The following YBX3 variants were observed in gnomAD, a reference collection of about 807,000 sequenced individuals.
The protein encoded by YBX3 is Y-box-binding protein 3.
Under a neutral mutation model 42.4 loss-of-function variants are expected in YBX3, and 29 were observed. That is an observed-to-expected ratio of 0.68 (90% confidence interval 0.51 to 0.93). The LOEUF (loss-of-function observed/expected upper bound fraction) is 0.93. YBX3 is among the 40% of genes least tolerant of loss of function. The probability of loss-of-function intolerance (pLI) is 0.00; values close to 1 mark genes in which losing one functional copy is unlikely to be tolerated. For missense variants in YBX3, 517 were observed against 527.5 expected, an observed-to-expected ratio of 0.98 and a Z score of 0.19; for synonymous variants, 195 against 189.8, an observed-to-expected ratio of 1.03 and a Z score of -0.22.
chr12:10,715,441 G>C (rs1479939109), intron 4 of YBX3, among the ~76,000 whole-genome samples: 1 of 152,002 alleles, frequency 6.6e-6, no homozygotes, highest in Admixed American at 6.5e-5. Flanking sequence ...AGCTATTAGG[G>C]AGACTGAGGC....
At chr12:10,705,197 G>A (rs774382091) in intron 6 of YBX3, among the ~76,000 whole-genome samples, 32 of 152,250 alleles carry the variant, frequency 2.1e-4, no homozygotes, top group Middle Eastern at 3.4e-3. Flanking sequence ...TGGTTCAAGC[G>A]ATTCTCCTGC....
At chr12:10,704,281 T>C in intron 6 of YBX3, 133 bp from the exon 7 acceptor site, 1 of 629,000 alleles carries the variant, frequency 1.6e-6, no homozygotes, top group South Asian at 2.2e-5. Context: ...CACTCTCAGT[T>C]GCAACACAAA....
In YBX3 at chr12:10,710,015, G is replaced by A. The variant is rs182510736; in HGVS notation, c.673C>T (p.Arg225Cys). The change falls in exon 6 of 10, where the codon CGC becomes TGC. Residue 225 changes from arginine (R) to cysteine (C), a missense_variant. By Grantham distance (180) the Arg-to-Cys change is radical. Transcript: ENST00000228251. ...QFSGARNQLR[R>C]PQYRPQYRQR... ...CGGTACTGAGGGCGATACTGGGGGC[G>A]GCGCAGCTGATTCCGGGCCCCAGAG... The A allele has an allele frequency of 8.7e-6, 14 of 1,614,106 alleles. No individual in the cohort carries two copies. The highest frequency in any genetic ancestry group is 7.7e-5 in the South Asian group (7 of 91,072).
chr12:10,710,414 AGAGTATCTGCAAGGTTTATAATTTTT>A (rs1220543623), intron 5 of YBX3: 1 of 1,301,062 alleles, frequency 7.7e-7, no homozygotes, highest in Non-Finnish European at 9.8e-7. Context: ...AACCACCCGA[AGAGTATCTGCAAGGTTTATAATTTTT>A]GCTCCATCAA....
chr12:10,702,648 A>G (rs1311089147), intron 7 of YBX3: 1 of 152,488 alleles, frequency 6.6e-6, no homozygotes, highest in Non-Finnish European at 1.5e-5. Flanking sequence ...CTTTCATTTG[A>G]ATACATATTT....
intron 4 of YBX3, among the ~76,000 whole-genome samples, chr12:10,713,702 G>A (rs114489940): frequency 1.6e-3 from 244 of 152,308 alleles, no homozygotes; most frequent in African/African-American, 5.4e-3. Context: ...TATTTTCCTA[G>A]AATGTGTTGA....
At chr12:10,716,421 T>C (rs566406073) in intron 3 of YBX3, among the ~76,000 whole-genome samples, 1 of 152,272 alleles carries the variant, frequency 6.6e-6, no homozygotes, top group African/African-American at 2.4e-5. Context: ...TATTCAACTT[T>C]TCTCCCATCA....
intron 1 of YBX3, chr12:10,722,530 T>C (rs1230244641): frequency 4.8e-6 from 1 of 210,086 alleles, no homozygotes; most frequent in Non-Finnish European, 9.4e-6. Flanking sequence ...ACGCAGGCAT[T>C]TTCCACCACG....
At chr12:10,708,844 T>C (rs111871936) in intron 6 of YBX3, among the ~76,000 whole-genome samples, 147 of 152,366 alleles carry the variant, frequency 9.6e-4, no homozygotes, top group African/African-American at 3.5e-3. Flanking sequence ...GTGATATATG[T>C]TGTATAAGCC....
chr12:10,706,881 G>C (rs1300926949), intron 6 of YBX3, among the ~76,000 whole-genome samples: 1 of 152,114 alleles, frequency 6.6e-6, no homozygotes, highest in African/African-American at 2.4e-5. Flanking sequence ...GCCAGGCGTG[G>C]TGGCGGGTGC....
chr12:10,716,021 G>T, intron 3 of YBX3: 1 of 480,330 alleles, frequency 2.1e-6, no homozygotes, highest in East Asian at 4.0e-5. Flanking sequence ...AACAGAACAT[G>T]TTTTTTCTAT....
chr12:10,707,116 T>C (rs1948147501), intron 6 of YBX3, among the ~76,000 whole-genome samples: 1 of 152,222 alleles, frequency 6.6e-6, no homozygotes, highest in African/African-American at 2.4e-5. Flanking sequence ...TCCTGGGACC[T>C]GATGGACTTG....
intron 6 of YBX3, 106 bp downstream of exon 6, chr12:10,709,802 T>G (rs990546340): frequency 2.4e-5 from 32 of 1,359,542 alleles, no homozygotes; most frequent in Non-Finnish European, 3.1e-5. Context: ...CAGGAAGCCA[T>G]AAGCAAGGTT....
At chr12:10,700,492 G>T (rs2120892773) in intron 9 of YBX3, among the ~76,000 whole-genome samples, 1 of 152,188 alleles carries the variant, frequency 6.6e-6, no homozygotes, top group East Asian at 1.9e-4. Context: ...ATTTATAATT[G>T]AGTTGATCTT....
At chr12:10,703,802 TTAAG>T in intron 7 of YBX3, 2 of 430,614 alleles carry the variant, frequency 4.6e-6, no homozygotes, top group Non-Finnish European at 4.2e-6. Context: ...TTGATAAAAA[TTAAG>T]TATTAATTTA....
chr12:10,707,558 G>A (rs909031960), intron 6 of YBX3, among the ~76,000 whole-genome samples: 1 of 152,104 alleles, frequency 6.6e-6, no homozygotes, highest in Non-Finnish European at 1.5e-5. Flanking sequence ...TTTCTCTACT[G>A]AAAAGATTAT....
chr12:10,719,608 A>G (rs1408746844), intron 1 of YBX3, among the ~76,000 whole-genome samples: 1 of 152,214 alleles, frequency 6.6e-6, no homozygotes, highest in Non-Finnish European at 1.5e-5. Flanking sequence ...TTAACAGGCA[A>G]TCTACAAAGA....
intron 1 of YBX3, 125 bp from the exon 2 acceptor site, chr12:10,719,268 T>C (rs562174676): frequency 5.3e-6 from 4 of 761,102 alleles, no homozygotes; most frequent in Non-Finnish European, 8.3e-6. Context: ...AAAGCTTAAT[T>C]CCAAAATACT....
At position 10,702,013 on chromosome 12, in the gene YBX3, T is replaced by C. The variant is rs1424469755; in HGVS notation, c.1000A>G (p.Asn334Asp). Residue 334 changes from asparagine (N) to aspartate (D), a missense_variant, in exon 8 of 10, where the codon AAT (asparagine) becomes GAT (aspartate). Physicochemically the swap from Asn to Asp is conservative, Grantham distance 23. This residue lies in a region of YBX3 where 420 missense variants were observed against 408.5 expected (regional missense o/e 1.03). Transcript: ENST00000228251. ...GGAGGACGCGGGCGACGCCGGTAAT[T>C]GTAGGGACGCCGGTATCCACGGCGA... ...SVRRGYRRPY[N>D]YRRRPRPPNA... is the part of the protein sequence containing the mutation. 6.8e-6 allele frequency: 11 copies of C among 1,614,054 alleles called. No homozygotes were observed. The highest frequency in any genetic ancestry group is 7.6e-6 in the Non-Finnish European group (9 of 1,179,964).
Sources: gnomAD v4.1 joint callset for allele counts (sites outside exome capture counted in the v4.1 genomes callset) on GRCh38, gnomAD v4.1.1 for gene constraint, gnomAD v4.1.1 regional missense constraint, MANE v1.5 for transcripts, NCBI Gene and HGNC (gene_info 2026-07-23, HGNC 2026-07-21) for gene names.